Variants in ASH1L observed in about 807,000 individuals in gnomAD.
ASH1L encodes ASH1 like histone lysine methyltransferase, also known as histone-lysine N-methyltransferase ASH1L.
ASH1L carries 23 observed loss-of-function variants against 269.0 expected under a neutral mutation model. The observed-to-expected ratio is 0.09, with a 90% CI of 0.06 to 0.12. The LOEUF (loss-of-function observed/expected upper bound fraction) is 0.12, where lower values mean the gene tolerates loss of function less well. Among genes scored for constraint, ASH1L ranks in the 10% least tolerant of loss-of-function variants. ASH1L has a pLI of 1.00. For synonymous variants in ASH1L, 1,187 were observed against 1,253.5 expected (o/e 0.95, Z 1.12); for missense variants, 2,912 against 3,567.8 (o/e 0.82, Z 4.68).
intron 2 of ASH1L, among the ~76,000 whole-genome samples, chr1:155,504,581 C>T (rs908430877): frequency 4.6e-5 from 7 of 152,220 alleles, no homozygotes; most frequent in East Asian, 3.9e-4. Flanking sequence ...TGGCTGGGCG[C>T]GGTGGCTCAG....
intron 5 of ASH1L, among the ~76,000 whole-genome samples, chr1:155,418,836 G>A (rs190740883): frequency 3.9e-5 from 6 of 152,220 alleles, no homozygotes; most frequent in Admixed American, 2.6e-4. Flanking sequence ...TTGGGAGGCC[G>A]AGGTGGGTGG....
chr1:155,438,312 T>C lies in ASH1L; in HGVS notation c.5828+15A>G, dbSNP rs367622241. ...AGTTTCCTCTACTCAGATAATATGT[T>C]AAATGAGGAATTACCTTTTATTATT... On this transcript the variant is annotated intron_variant, in intron 5 of 27. Coordinates refer to ENST00000392403, the MANE Select transcript of ASH1L (RefSeq NM_018489.3). 1.2e-5 allele frequency: 19 copies of C among 1,529,978 alleles called. No individual in the cohort carries two copies. The African/African-American group carries it at 2.6e-4, about 21-fold the overall frequency. The allele number at this position is 1,529,978 out of a possible 1,614,324, so 94.8% of individuals were successfully genotyped here.
intron 7 of ASH1L, among the ~76,000 whole-genome samples, chr1:155,383,842 T>C (rs1023625923): frequency 1.7e-4 from 26 of 152,130 alleles, no homozygotes; most frequent in Admixed American, 2.6e-4. Context: ...GTTCCGGGGA[T>C]GGATAGCAGT....
chr1:155,562,337 T>TAAA lies in ASH1L; in HGVS notation c.-287_-285dup. On this transcript the variant is annotated 5_prime_UTR_variant, in exon 1 of 28. Coordinates refer to ENST00000392403, the MANE Select transcript of ASH1L (RefSeq NM_018489.3). ...AGAGGAGAAGGGAAAGGTGGAAGGC[T>TAAA]AAAGGGGGCAAACTGAGGGGAGGCG... is the stretch of plus-strand genomic sequence containing the variant. The TAAA allele has an allele frequency of 6.4e-7, 1 of 1,560,390 alleles. No homozygotes were observed.
intron 2 of ASH1L, among the ~76,000 whole-genome samples, chr1:155,502,121 A>C (rs1570999362): frequency 7.7e-6 from 1 of 129,182 alleles, no homozygotes; most frequent in South Asian, 2.4e-4. Context: ...TCCGGGTTGG[A>C]GTGCAATGGC....
intron 5 of ASH1L, among the ~76,000 whole-genome samples, chr1:155,428,883 G>A (rs1392188166): frequency 6.6e-6 from 1 of 152,040 alleles, no homozygotes; most frequent in Non-Finnish European, 1.5e-5. Flanking sequence ...TCTCTGTTCG[G>A]GGCTCTCAGC....
intron 6 of ASH1L, among the ~76,000 whole-genome samples, chr1:155,405,144 AAAG>A (rs1416667978): frequency 2.6e-5 from 4 of 152,096 alleles, no homozygotes; most frequent in African/African-American, 9.7e-5. Context: ...AAGATTAACA[AAAG>A]AAGAATAGCA....
At chr1:155,385,584 T>A (rs1387895118) in intron 7 of ASH1L, among the ~76,000 whole-genome samples, 1 of 152,234 alleles carries the variant, frequency 6.6e-6, no homozygotes, top group South Asian at 2.1e-4. Flanking sequence ...AATTCTAATG[T>A]CTTGGTGTGG....
intron 4 of ASH1L, among the ~76,000 whole-genome samples, chr1:155,446,286 A>T (rs992539737): frequency 1.3e-5 from 2 of 150,720 alleles, no homozygotes; most frequent in Non-Finnish European, 3.0e-5. Context: ...TTTATATTTC[A>T]ATTAATTAAT....
chr1:155,536,245 T>A (rs569638466), intron 1 of ASH1L, among the ~76,000 whole-genome samples: 1 of 152,264 alleles, frequency 6.6e-6, no homozygotes, highest in African/African-American at 2.4e-5. Context: ...CCAACCCGGC[T>A]TCCTGGAACT....
At chr1:155,529,996 G>C (rs918861168) in intron 1 of ASH1L, among the ~76,000 whole-genome samples, 8 of 151,672 alleles carry the variant, frequency 5.3e-5, no homozygotes, top group African/African-American at 1.5e-4. Context: ...AAAAAAAGAA[G>C]TTTCCCTTCT....
rs747475088 is a variant in ASH1L at position 155,562,721 on chromosome 1, T to TC, written c.-669dup. On this transcript the variant is annotated 5_prime_UTR_variant, in exon 1 of 28. Transcript: ENST00000392403. Reference sequence around the variant, plus strand: ...CACCCACAGGAACCCCCTCGTCCAGTCCCTCACTACCCCTCAGGCCCTGTC... The same window carrying TC: ...CACCCACAGGAACCCCCTCGTCCAGTCCCCTCACTACCCCTCAGGCCCTGTC... 3.0e-5 allele frequency: 42 copies of TC among 1,396,152 alleles called. No homozygotes were observed. The highest frequency in any genetic ancestry group is 1.8e-4 in the Middle Eastern group (1 of 5,690). 86.5% of individuals were successfully genotyped at this position (1,396,152 alleles called of 1,614,324 possible).
intron 1 of ASH1L, among the ~76,000 whole-genome samples, chr1:155,530,419 C>T (rs1204368065): frequency 1.3e-5 from 2 of 152,202 alleles, no homozygotes; most frequent in Non-Finnish European, 2.9e-5. Context: ...TTATATTTTA[C>T]GAGCTTCAAA....
At chr1:155,499,579 T>C (rs773810016) in intron 2 of ASH1L, among the ~76,000 whole-genome samples, 2 of 152,236 alleles carry the variant, frequency 1.3e-5, no homozygotes, top group Non-Finnish European at 2.9e-5. Flanking sequence ...TCTTATCATA[T>C]AGGACCTTTA....
At chr1:155,484,967 A>C (rs537497798) in intron 2 of ASH1L, among the ~76,000 whole-genome samples, 40 of 141,422 alleles carry the variant, frequency 2.8e-4, no homozygotes, top group African/African-American at 1.0e-3. Flanking sequence ...AAAAACAAAA[A>C]CCAACCAACC....
At position 155,481,553 on chromosome 1, in the gene ASH1L, A is replaced by G. The variant is rs1481018717; in HGVS notation, c.1317T>C (p.Ser439=). ...LLPTQEPLKA[S]CSTNINNQES... is the part of the protein sequence containing the mutation. ...CCTGATTATTGATGTTTGTACTACA[A>G]GAAGCCTTAAGCGGTTCCTGAGTGG... is the stretch of plus-strand genomic sequence containing the variant. Residue 439 remains serine, a synonymous_variant, in exon 3 of 28, where the codon TCT becomes TCC. Transcript: ENST00000392403. 2.5e-6 allele frequency: 4 copies of G among 1,614,080 alleles called. No homozygotes were observed. The highest frequency in any genetic ancestry group is 3.4e-6 in the Non-Finnish European group (4 of 1,180,028).
chr1:155,348,220 T>G (rs1226925419), intron 19 of ASH1L, among the ~76,000 whole-genome samples: 2 of 152,186 alleles, frequency 1.3e-5, no homozygotes, highest in African/African-American at 4.8e-5. Flanking sequence ...CATAATGTAC[T>G]GTAGAAGTTC....
chr1:155,402,140 C>T (rs1658911428), intron 6 of ASH1L, among the ~76,000 whole-genome samples: 1 of 151,210 alleles, frequency 6.6e-6, no homozygotes, highest in Non-Finnish European at 1.5e-5. Flanking sequence ...TGCCAGACTC[C>T]GTCTCAAACA....
intron 4 of ASH1L, among the ~76,000 whole-genome samples, chr1:155,446,722 C>T (rs1277010430): frequency 6.7e-6 from 1 of 149,786 alleles, no homozygotes; most frequent in Non-Finnish European, 1.5e-5. Context: ...CCTGGGTTCA[C>T]ACCATTCTCC....
Sources: gnomAD v4.1 joint callset for allele counts (sites outside exome capture counted in the v4.1 genomes callset) on GRCh38, gnomAD v4.1.1 for gene constraint, MANE v1.5 for transcripts, NCBI Gene and HGNC (gene_info 2026-07-23, HGNC 2026-07-21) for gene names.